SEMA3E: variants seen among roughly 807,000 people sequenced by gnomAD.
SEMA3E encodes semaphorin 3E, also known as semaphorin-3E.
SEMA3E carries 49 observed loss-of-function variants against 93.6 expected under a neutral mutation model. The ratio of observed to expected loss-of-function variants is 0.52; its 90% CI spans 0.42 to 0.66. SEMA3E has a LOEUF of 0.66. Ranked by LOEUF, SEMA3E falls within the 30% of genes least tolerant of loss-of-function variation. SEMA3E has a pLI of 0.00. For synonymous variants in SEMA3E, 363 were observed against 330.7 expected (o/e 1.10, Z -1.06); for missense variants, 906 against 964.8 (o/e 0.94, Z 0.81).
chr7:83,641,070 C>G (rs546753546), intron 1 of SEMA3E, among the ~76,000 whole-genome samples: 6 of 152,250 alleles, frequency 3.9e-5, no homozygotes, highest in African/African-American at 1.4e-4. Flanking sequence ...AGCTGTTTCA[C>G]TAAATGCAGC....
At chr7:83,580,293 C>A (rs1374362287) in intron 1 of SEMA3E, among the ~76,000 whole-genome samples, 1 of 151,920 alleles carries the variant, frequency 6.6e-6, no homozygotes, top group East Asian at 1.9e-4. Flanking sequence ...TTGAATTACT[C>A]TCTTCTACTA....
At chr7:83,519,801 C>T (rs1315278540) in intron 1 of SEMA3E, among the ~76,000 whole-genome samples, 1 of 152,130 alleles carries the variant, frequency 6.6e-6, no homozygotes, top group Non-Finnish European at 1.5e-5. Context: ...CTCATAACAA[C>T]CACATGGGAT....
At chr7:83,609,138 A>AT (rs1406480873) in intron 1 of SEMA3E, among the ~76,000 whole-genome samples, 1 of 152,090 alleles carries the variant, frequency 6.6e-6, no homozygotes, top group Non-Finnish European at 1.5e-5. Context: ...CCTCTACTGT[A>AT]TATTTTATCA....
chr7:83,371,562 T>C (rs548358555), intron 16 of SEMA3E: 2 of 152,316 alleles, frequency 1.3e-5, no homozygotes, highest in East Asian at 1.9e-4. Flanking sequence ...AAGGAATGTA[T>C]GTGTTGTTTT....
intron 1 of SEMA3E, among the ~76,000 whole-genome samples, chr7:83,613,129 A>G (rs1042040788): frequency 2.6e-5 from 4 of 152,108 alleles, no homozygotes; most frequent in African/African-American, 9.7e-5. Context: ...TAGATATTTT[A>G]TGAAAATAAT....
intron 5 of SEMA3E, among the ~76,000 whole-genome samples, chr7:83,414,798 A>T (rs1181290695): frequency 6.6e-6 from 1 of 151,944 alleles, no homozygotes; most frequent in East Asian, 1.9e-4. Context: ...TTTTCCCCAA[A>T]CTCTAGCTAC....
At chr7:83,454,339 CAG>C (rs984138329) in intron 4 of SEMA3E, among the ~76,000 whole-genome samples, 20 of 70,588 alleles carry the variant, frequency 2.8e-4, no homozygotes, top group African/African-American at 3.9e-4. Context: ...TAATAAATAA[CAG>C]AAACTTTAAA....
intron 1 of SEMA3E, among the ~76,000 whole-genome samples, chr7:83,517,921 C>G (rs1264708502): frequency 6.6e-6 from 1 of 152,054 alleles, no homozygotes; most frequent in Non-Finnish European, 1.5e-5. Flanking sequence ...AAATGAGGAC[C>G]ATGGTGGAGA....
intron 16 of SEMA3E, among the ~76,000 whole-genome samples, chr7:83,384,282 T>C (rs1312231391): frequency 6.6e-6 from 1 of 152,070 alleles, no homozygotes; most frequent in Admixed American, 6.6e-5. Context: ...TGTATTCCAA[T>C]GACAAATGTT....
chr7:83,456,556 CTTT>C (rs1789481767), intron 4 of SEMA3E, among the ~76,000 whole-genome samples: 1 of 151,288 alleles, frequency 6.6e-6, no homozygotes, highest in Non-Finnish European at 1.5e-5. Context: ...CATTCTTAGA[CTTT>C]TTATGTTTTT....
At chr7:83,374,208 A>AG (rs1374912644) in intron 16 of SEMA3E, among the ~76,000 whole-genome samples, 3 of 13,326 alleles carry the variant, frequency 2.3e-4, no homozygotes, top group African/African-American at 4.4e-4. Flanking sequence ...CTGCGTCTCA[A>AG]AAAAAAAAAA....
chr7:83,613,489 A>G (rs1292525719), intron 1 of SEMA3E, among the ~76,000 whole-genome samples: 1 of 152,076 alleles, frequency 6.6e-6, no homozygotes, highest in African/African-American at 2.4e-5. Flanking sequence ...CTAAAATTGA[A>G]CTAACAAAGA....
chr7:83,498,650 G>GTATTTTTTTC (rs1212188903), intron 1 of SEMA3E, among the ~76,000 whole-genome samples: 4 of 151,910 alleles, frequency 2.6e-5, no homozygotes, highest in Non-Finnish European at 5.9e-5. Flanking sequence ...GCAAATTTTT[G>GTATTTTTTTC]TATTTTTTAG....
chr7:83,514,459 A>G (rs1217532820), intron 1 of SEMA3E, among the ~76,000 whole-genome samples: 1 of 152,116 alleles, frequency 6.6e-6, no homozygotes, highest in Non-Finnish European at 1.5e-5. Context: ...TAATGTCATG[A>G]GTTCAAATTC....
rs1043831330 is a variant in SEMA3E at position 83,628,296 on chromosome 7, A to C, written c.115+20132T>G. Among the ~76,000 whole-genome samples, 5 of 151,868 alleles carry C rather than the reference A, an allele frequency of 3.3e-5. No homozygotes were observed. In the East Asian group the frequency reaches 9.7e-4, roughly 30 times the overall value. ...GGTTGCTCTTCTCAAGGTTATCTTC[A>C]TGGTGTTATCTGTATTTCCTGAATT... is the stretch of plus-strand genomic sequence containing the variant. On this transcript the variant is annotated intron_variant, in intron 1 of 16. Transcript: ENST00000643230.
At chr7:83,417,737 G>T (rs916373900) in intron 5 of SEMA3E, among the ~76,000 whole-genome samples, 2 of 152,034 alleles carry the variant, frequency 1.3e-5, no homozygotes, top group African/African-American at 2.4e-5. Flanking sequence ...ACCCCAAATT[G>T]CAGGAAAATA....
chr7:83,468,745 C>G (rs1237910669), intron 3 of SEMA3E, among the ~76,000 whole-genome samples: 8 of 152,042 alleles, frequency 5.3e-5, no homozygotes, highest in Non-Finnish European at 2.9e-5. Flanking sequence ...TCACACCCAG[C>G]AGGGAAACTA....
chr7:83,417,939 C>A (rs1405657099), intron 5 of SEMA3E, among the ~76,000 whole-genome samples: 1 of 152,006 alleles, frequency 6.6e-6, no homozygotes, highest in Non-Finnish European at 1.5e-5. Flanking sequence ...AATTTAAGTT[C>A]TCAAAAGAGA....
At chr7:83,392,797 T>A in intron 13 of SEMA3E, 76 bp from the exon 14 acceptor site, 1 of 1,337,344 alleles carries the variant, frequency 7.5e-7, no homozygotes, top group Non-Finnish European at 1.1e-6. Flanking sequence ...GTTTTCACAT[T>A]TATACACAAT....
Sources: gnomAD v4.1 joint callset for allele counts (sites outside exome capture counted in the v4.1 genomes callset) on GRCh38, gnomAD v4.1.1 for gene constraint, MANE v1.5 for transcripts, NCBI Gene and HGNC (gene_info 2026-07-23, HGNC 2026-07-21) for gene names.